The following THSD7A variants were observed in gnomAD, a reference collection of about 807,000 sequenced individuals.
THSD7A encodes the protein thrombospondin type-1 domain-containing protein 7A.
Under a neutral mutation model 231.3 loss-of-function variants are expected in THSD7A, and 96 were observed. That is an observed-to-expected ratio of 0.41 (90% CI 0.35 to 0.49). The LOEUF is 0.49. Ranked by LOEUF, THSD7A falls within the 20% of genes least tolerant of loss-of-function variation. The pLI, the probability that THSD7A is intolerant of heterozygous loss-of-function variation, is 0.05. For synonymous variants in THSD7A, 940 were observed against 743.3 expected (o/e 1.26, Z -4.30); for missense variants, 2,290 against 2,070.2 (o/e 1.11, Z -2.06).
chr7:11,552,328 A>G (rs1293107121), intron 4 of THSD7A, among the ~76,000 whole-genome samples: 1 of 152,070 alleles, frequency 6.6e-6, no homozygotes, highest in Non-Finnish European at 1.5e-5. Context: ...GAAAAAAAAT[A>G]CACACACACT....
intron 7 of THSD7A, among the ~76,000 whole-genome samples, chr7:11,475,664 T>A (rs1030776292): frequency 2.7e-5 from 4 of 149,360 alleles, no homozygotes; most frequent in Non-Finnish European, 4.4e-5. Context: ...CCTGCATTCT[T>A]CAAATTTTTC....
chr7:11,517,264 G>A (rs1047062042), intron 6 of THSD7A, among the ~76,000 whole-genome samples: 6 of 152,056 alleles, frequency 3.9e-5, no homozygotes, highest in Middle Eastern at 3.4e-3. Flanking sequence ...ATTTTTAGTA[G>A]AGACGGGGTT....
chr7:11,463,938 A>G (rs567222487), intron 9 of THSD7A, among the ~76,000 whole-genome samples: 1 of 152,242 alleles, frequency 6.6e-6, no homozygotes, highest in South Asian at 2.1e-4. Context: ...GTCTCCCTTG[A>G]CAATCTGTAA....
intron 1 of THSD7A, among the ~76,000 whole-genome samples, chr7:11,687,547 T>C (rs534901243): frequency 6.6e-6 from 1 of 152,080 alleles, no homozygotes; most frequent in Admixed American, 6.6e-5. Flanking sequence ...ATCTTGCTTT[T>C]ATCACTGGGA....
chr7:11,522,846 T>C (rs1466588658), intron 6 of THSD7A, among the ~76,000 whole-genome samples: 1 of 152,154 alleles, frequency 6.6e-6, no homozygotes, highest in African/African-American at 2.4e-5. Context: ...TAGCACACAT[T>C]TAATAAAAAT....
intron 4 of THSD7A, among the ~76,000 whole-genome samples, chr7:11,551,806 A>G (rs1789639231): frequency 6.6e-6 from 1 of 152,146 alleles, no homozygotes; most frequent in Non-Finnish European, 1.5e-5. Context: ...AAAGAACTTA[A>G]AACAACTACC....
intron 1 of THSD7A, among the ~76,000 whole-genome samples, chr7:11,828,065 G>A (rs749695067): frequency 2.0e-5 from 3 of 152,112 alleles, no homozygotes; most frequent in Non-Finnish European, 4.4e-5. Flanking sequence ...CTCAGTCAAC[G>A]ACTCACGTCA....
At chr7:11,650,804 A>ATTTGTTTTGT (rs57303048) in intron 1 of THSD7A, among the ~76,000 whole-genome samples, 170 of 151,310 alleles carry the variant, frequency 1.1e-3, no homozygotes, top group Middle Eastern at 3.4e-3. Context: ...TGGTAGATGT[A>ATTTGTTTTGT]TTTGTTTTGT....
At chr7:11,522,712 C>T (rs1455227742) in intron 6 of THSD7A, among the ~76,000 whole-genome samples, 5 of 152,066 alleles carry the variant, frequency 3.3e-5, no homozygotes, top group African/African-American at 7.2e-5. Context: ...GATATAATAG[C>T]TCTTTTAAAA....
chr7:11,475,880 T>C (rs1786149345), intron 7 of THSD7A, among the ~76,000 whole-genome samples: 1 of 150,630 alleles, frequency 6.6e-6, no homozygotes, highest in African/African-American at 2.4e-5. Context: ...ACATTAATAT[T>C]TGGTTGATGA....
chr7:11,481,475 T>C (rs978404801), intron 7 of THSD7A, among the ~76,000 whole-genome samples: 17 of 152,158 alleles, frequency 1.1e-4, no homozygotes, highest in African/African-American at 4.1e-4. Flanking sequence ...ATCTGAAATT[T>C]TGGGAGCCAT....
chr7:11,786,447 C>G (rs1178204399), intron 1 of THSD7A, among the ~76,000 whole-genome samples: 1 of 151,978 alleles, frequency 6.6e-6, no homozygotes, highest in African/African-American at 2.4e-5. Flanking sequence ...GTGGTTAAGC[C>G]TGGTGGAGCA....
chr7:11,687,020 A>T (rs992870290), intron 1 of THSD7A, among the ~76,000 whole-genome samples: 2 of 151,932 alleles, frequency 1.3e-5, no homozygotes, highest in African/African-American at 4.8e-5. Flanking sequence ...TGAATAAAAA[A>T]ATAATATGTG....
chr7:11,770,064 GCATTGACACTTAATT>G (rs1783173510), intron 1 of THSD7A, among the ~76,000 whole-genome samples: 6 of 151,956 alleles, frequency 3.9e-5, no homozygotes, highest in Admixed American at 3.3e-4. Context: ...TTTACCTATT[GCATTGACACTTAATT>G]CTGTGATCTT....
chr7:11,429,377 A>G (rs1485707531), intron 13 of THSD7A, among the ~76,000 whole-genome samples: 1 of 152,152 alleles, frequency 6.6e-6, no homozygotes, highest in African/African-American at 2.4e-5. Context: ...CCATATTTCA[A>G]CATTTCTGAC....
In THSD7A at chr7:11,543,054, T is replaced by C. The variant is rs146974128; in HGVS notation, c.1517A>G (p.His506Arg). 1.3e-3 allele frequency: 2,080 copies of C among 1,613,914 alleles called. 20 individuals are homozygous for C. In the East Asian group the frequency reaches 0.03, roughly 23 times the overall value. The change falls in exon 5 of 28, where the codon CAC becomes CGC. Residue 506 changes from histidine (H) to arginine (R), a missense_variant. Transcript: ENST00000423059. ...GPIPNTTQLC[H>R]IPCPTECEVS... Reference sequence around the variant, plus strand: ...TTCACATTCAGTTGGACAAGGAATGTGGCACAGCTGTGTAGTATTAGGGAT... The same window carrying C: ...TTCACATTCAGTTGGACAAGGAATGCGGCACAGCTGTGTAGTATTAGGGAT...
chr7:11,769,145 ATATATATATTT>A (rs1168580561), intron 1 of THSD7A, among the ~76,000 whole-genome samples: 1 of 35,998 alleles, frequency 2.8e-5, no homozygotes, highest in East Asian at 4.9e-4. Context: ...ATATATATAT[ATATATATATTT>A]TTTTTTTTTT....
At chr7:11,596,441 T>C (rs930680190) in intron 2 of THSD7A, among the ~76,000 whole-genome samples, 2 of 152,050 alleles carry the variant, frequency 1.3e-5, no homozygotes, top group Non-Finnish European at 2.9e-5. Context: ...CCTGTGGTCG[T>C]TTCCCCAGGG....
chr7:11,713,952 A>G (rs1291908514), intron 1 of THSD7A, among the ~76,000 whole-genome samples: 2 of 151,326 alleles, frequency 1.3e-5, no homozygotes, highest in Non-Finnish European at 3.0e-5. Flanking sequence ...CAGCAAATAT[A>G]TTAGAATAGA....
Sources: gnomAD v4.1 joint callset for allele counts (sites outside exome capture counted in the v4.1 genomes callset) on GRCh38, gnomAD v4.1.1 for gene constraint, MANE v1.5 for transcripts, NCBI Gene and HGNC (gene_info 2026-07-23, HGNC 2026-07-21) for gene names.